SPR: variants seen among roughly 807,000 people sequenced by gnomAD.
SPR encodes sepiapterin reductase.
Under a neutral mutation model 16.0 loss-of-function variants are expected in SPR, and 12 were observed. The ratio of observed to expected loss-of-function variants is 0.75; its 90% confidence interval spans 0.48 to 1.22. The LOEUF is 1.22. SPR is among the 50% of genes most tolerant of loss of function. SPR has a pLI of 0.00. For synonymous variants in SPR, 177 were observed against 168.5 expected (o/e 1.05, Z -0.39); for missense variants, 324 against 344.4 (o/e 0.94, Z 0.47).
In SPR at chr2:72,887,741, G is replaced by T; in HGVS notation, c.304+5G>T. ...TGCTGCTTATCAACAACGCGGGTAAGACCCCGGGGCTGGAGCGGACTCCCC... is the reference window on the plus strand; with the variant it reads ...TGCTGCTTATCAACAACGCGGGTAATACCCCGGGGCTGGAGCGGACTCCCC... On this transcript the variant is annotated splice_donor_5th_base_variant and intron_variant, in intron 1 of 2. Coordinates refer to ENST00000234454, the MANE Select transcript of SPR (RefSeq NM_003124.5). The T allele has an allele frequency of 6.6e-7, 1 of 1,510,764 alleles. No individual in the cohort carries two copies. The highest frequency in any genetic ancestry group is 1.2e-5 in the South Asian group (1 of 82,042). The allele number at this position is 1,510,764 out of a possible 1,614,324, so 93.6% of individuals were successfully genotyped here.
intron 2 of SPR, 83 bp downstream of exon 2, chr2:72,888,687 C>T (rs1670579207): frequency 2.1e-6 from 3 of 1,423,514 alleles, no homozygotes; most frequent in South Asian, 1.5e-5. Context: ...TAGTCCGCCC[C>T]CTCCAGGAAA....
chr2:72,888,254 G>T (rs1445528453), intron 1 of SPR, 60 bp from the exon 2 acceptor site: 4 of 1,556,746 alleles, frequency 2.6e-6, no homozygotes, highest in Non-Finnish European at 3.5e-6. Context: ...GAACTTGGGA[G>T]GGCTGGGGAA....
chr2:72,890,490 C>T (rs1044683424), intron 2 of SPR, among the ~76,000 whole-genome samples: 8 of 151,902 alleles, frequency 5.3e-5, no homozygotes, highest in South Asian at 4.2e-4. Context: ...TACAAGCGCC[C>T]GCCACCACAC....
rs780706811 is a variant in SPR at position 72,887,589 on chromosome 2, G to C, written c.157G>C (p.Glu53Gln). Residue 53 changes from glutamate to glutamine, a missense_variant, in exon 1 of 3, where the codon GAG becomes CAG. Transcript: ENST00000234454. ...NDEALRQLEA[E>Q]LGAERSGLRV... ...CGAGGCACTGCGCCAGCTGGAGGCC[G>C]AGCTGGGCGCCGAGCGGTCTGGCCT... 2.8e-6 allele frequency: 4 copies of C among 1,406,926 alleles called. No individual in the cohort carries two copies. Among genetic ancestry groups the C allele is most frequent in the Non-Finnish European group, 3.7e-6 (4 of 1,090,538 alleles). 87.2% of individuals were successfully genotyped at this position (1,406,926 alleles called of 1,614,324 possible). A position where few individuals can be genotyped will look rare whatever the true frequency, so the allele number is the denominator to read the frequency against.
rs1393702548 is a variant in SPR at position 72,888,479 on chromosome 2, C to G, written c.470C>G (p.Ser157Cys). 1.2e-6 allele frequency: 2 copies of G among 1,613,910 alleles called. No individual in the cohort carries two copies. Among genetic ancestry groups the G allele is most frequent in the Non-Finnish European group, 1.7e-6 (2 of 1,179,920 alleles). Reference sequence around the variant, plus strand: ...AACAGAACCGTGGTTAACATCTCGTCCCTCTGTGCCCTGCAACCTTTCAAA... The same window carrying G: ...AACAGAACCGTGGTTAACATCTCGTGCCTCTGTGCCCTGCAACCTTTCAAA... ...GLNRTVVNIS[S>C]LCALQPFKGW... Residue 157 changes from serine (S) to cysteine (C), a missense_variant, in exon 2 of 3, where the codon TCC becomes TGC. By Grantham distance (112) the Ser-to-Cys change is moderately radical. Transcript: ENST00000234454.
At position 72,888,419 on chromosome 2, in the gene SPR, G is replaced by C. The variant is rs1313068034; in HGVS notation, c.410G>C (p.Ser137Thr). 1.2e-6 allele frequency: 2 copies of C among 1,613,982 alleles called. No homozygotes were observed. Among genetic ancestry groups the C allele is most frequent in the Non-Finnish European group, 8.5e-7 (1 of 1,179,982 alleles). ...ACCTCCATGCTCTGCCTGACTTCCA[G>C]CGTCCTGAAGGCCTTCCCGGACAGT... ...NLTSMLCLTS[S>T]VLKAFPDSPG... The change falls in exon 2 of 3, where the codon AGC becomes ACC. Residue 137 changes from serine to threonine, a missense_variant. By Grantham distance (58) the Ser-to-Thr change is moderately conservative. Transcript: ENST00000234454.
chr2:72,887,907 C>T (rs1670566092), intron 1 of SPR, among the ~76,000 whole-genome samples, 171 bp downstream of exon 1: 1 of 152,202 alleles, frequency 6.6e-6, no homozygotes, highest in South Asian at 2.1e-4. Context: ...GACTCGGTGC[C>T]GTCGGGACAA....
chr2:72,888,641 C>A, intron 2 of SPR, 37 bp downstream of exon 2: 2 of 1,559,110 alleles, frequency 1.3e-6, no homozygotes, highest in Non-Finnish European at 1.7e-6. Flanking sequence ...TCCTCCAGAA[C>A]CCACTGGTGC....
In SPR at chr2:72,887,481, C is replaced by A; in HGVS notation, c.49C>A (p.Arg17Ser). The change falls in exon 1 of 3, where the codon CGC becomes AGC. Residue 17 changes from arginine to serine, a missense_variant. Physicochemically the swap from Arg to Ser is moderately radical, Grantham distance 110. Transcript: ENST00000234454. The part of the protein sequence containing the change: ...RAVCLLTGAS[R>S]GFGRTLAPLL... ...TGTGTGCTTGCTGACCGGGGCCTCCCGCGGCTTCGGCCGGACGCTGGCCCC... is the reference window on the plus strand; with the variant it reads ...TGTGTGCTTGCTGACCGGGGCCTCCAGCGGCTTCGGCCGGACGCTGGCCCC... 1 of 1,504,358 alleles carries A rather than the reference C, an allele frequency of 6.6e-7. No homozygotes were observed. The highest frequency in any genetic ancestry group is 2.8e-5 in the East Asian group (1 of 35,176). 93.2% of individuals were successfully genotyped at this position (1,504,358 alleles called of 1,614,324 possible). A position where few individuals can be genotyped will look rare whatever the true frequency, so the allele number is the denominator to read the frequency against.
chr2:72,887,865 T>G, intron 1 of SPR, 129 bp downstream of exon 1: 2 of 1,055,470 alleles, frequency 1.9e-6, no homozygotes, highest in Non-Finnish European at 2.6e-6. Flanking sequence ...TGTTCCAGCT[T>G]GAGTAGCAAG....
chr2:72,891,364 A>T lies in SPR; in HGVS notation c.613A>T (p.Met205Leu). Reference sequence around the variant, plus strand: ...TCCTCTAGGTCCTCTGGACACAGACATGCAGCAGTTGGCCCGGGAGACCTC... The same window carrying T: ...TCCTCTAGGTCCTCTGGACACAGACTTGCAGCAGTTGGCCCGGGAGACCTC... ...NYAPGPLDTD[M>L]QQLARETSVD... Residue 205 changes from methionine to leucine, a missense_variant, in exon 3 of 3, where the codon ATG (methionine) becomes TTG (leucine). By Grantham distance (15) the Met-to-Leu change is conservative. Coordinates refer to ENST00000234454, the MANE Select transcript of SPR (RefSeq NM_003124.5). 1 of 1,614,150 alleles carries T rather than the reference A, an allele frequency of 6.2e-7. No homozygotes were observed. The highest frequency in any genetic ancestry group is 8.5e-7 in the Non-Finnish European group (1 of 1,180,026).
chr2:72,887,428 G>A lies in SPR; in HGVS notation c.-5G>A. The A allele has an allele frequency of 6.7e-7, 1 of 1,488,864 alleles. No individual in the cohort carries two copies. The highest frequency in any genetic ancestry group is 8.9e-7 in the Non-Finnish European group (1 of 1,124,774). The allele number at this position is 1,488,864 out of a possible 1,614,324, so 92.2% of individuals were successfully genotyped here. ...GTGCCAGCGCCGCCGGCGGAGAACAGGAGCATGGAGGGCGGGCTGGGGCGT... is the reference window on the plus strand; with the variant it reads ...GTGCCAGCGCCGCCGGCGGAGAACAAGAGCATGGAGGGCGGGCTGGGGCGT... On this transcript the variant is annotated 5_prime_UTR_variant, in exon 1 of 3. Coordinates refer to ENST00000234454, the MANE Select transcript of SPR (RefSeq NM_003124.5).
chr2:72,888,364 C>G lies in SPR; in HGVS notation c.355C>G (p.Gln119Glu). The G allele has an allele frequency of 6.2e-7, 1 of 1,614,186 alleles. No individual in the cohort carries two copies. Among genetic ancestry groups the G allele is most frequent in the Non-Finnish European group, 8.5e-7 (1 of 1,180,020 alleles). ...KGFVDLSDST[Q>E]VNNYWALNLT... ...CTTCGTGGACCTGAGTGACTCCACTCAAGTGAACAACTACTGGGCACTGAA... is the reference window on the plus strand; with the variant it reads ...CTTCGTGGACCTGAGTGACTCCACTGAAGTGAACAACTACTGGGCACTGAA... Residue 119 changes from glutamine to glutamate, a missense_variant, in exon 2 of 3, where the codon CAA (glutamine) becomes GAA (glutamate). By Grantham distance (29) the Gln-to-Glu change is conservative. Transcript: ENST00000234454.
chr2:72,887,616 C>T lies in SPR; in HGVS notation c.184C>T (p.Arg62Cys), dbSNP rs752216723. 1 of 1,426,572 alleles carries T rather than the reference C, an allele frequency of 7.0e-7. No individual in the cohort carries two copies. Among genetic ancestry groups the T allele is most frequent in the Non-Finnish European group, 9.1e-7 (1 of 1,100,404 alleles). 88.4% of individuals were successfully genotyped at this position (1,426,572 alleles called of 1,614,324 possible). Residue 62 changes from arginine to cysteine, a missense_variant, in exon 1 of 3, where the codon CGC (arginine) becomes TGC (cysteine). Arg to Cys is a radical substitution (Grantham distance 180). Coordinates refer to ENST00000234454, the MANE Select transcript of SPR (RefSeq NM_003124.5). ...GCTGGGCGCCGAGCGGTCTGGCCTGCGCGTGGTGCGGGTGCCCGCCGACCT... is the reference window on the plus strand; with the variant it reads ...GCTGGGCGCCGAGCGGTCTGGCCTGTGCGTGGTGCGGGTGCCCGCCGACCT... ...AELGAERSGL[R>C]VVRVPADLGA...
At chr2:72,890,942 C>T (rs549612464) in intron 2 of SPR, among the ~76,000 whole-genome samples, 155 of 152,124 alleles carry the variant, frequency 1.0e-3, no homozygotes, top group Middle Eastern at 6.8e-3. Flanking sequence ...GCCTGATTGT[C>T]GGGATGTGTA....
chr2:72,887,689 TC>T lies in SPR; in HGVS notation c.262del (p.Arg88GlyfsTer27), dbSNP rs1247454080. On this transcript the variant is annotated frameshift_variant, in exon 1 of 3. Transcript: ENST00000234454. LOFTEE classifies it high-confidence loss of function. ...CAGCTGCTCGGCGCCCTGCGCGAGC[TC>T]CCCCGGCCCAAGGGGCTGCAGCGAC... Reference protein sequence around the residue: ...LQQLLGALRELPRPKGLQRLL... With the variant: ...LQQLLGALREXPRPKGLQRLL... The T allele has an allele frequency of 2.0e-6, 3 of 1,499,598 alleles. No individual in the cohort carries two copies. Among genetic ancestry groups the T allele is most frequent in the Admixed American group, 2.1e-5 (1 of 46,728 alleles). 92.9% of individuals were successfully genotyped at this position (1,499,598 alleles called of 1,614,324 possible). A position where few individuals can be genotyped will look rare whatever the true frequency, so the allele number is the denominator to read the frequency against.
chr2:72,887,585 G>A lies in SPR; in HGVS notation c.153G>A (p.Glu51=), dbSNP rs1670559451. ...ARNDEALRQL[E]AELGAERSGL... is the part of the protein sequence containing the mutation. ...ACGACGAGGCACTGCGCCAGCTGGA[G>A]GCCGAGCTGGGCGCCGAGCGGTCTG... Residue 51 remains glutamate (E), a synonymous_variant, in exon 1 of 3, where the codon GAG becomes GAA. Coordinates refer to ENST00000234454, the MANE Select transcript of SPR (RefSeq NM_003124.5). The A allele has an allele frequency of 7.1e-7, 1 of 1,407,806 alleles. No homozygotes were observed. The highest frequency in any genetic ancestry group is 9.2e-7 in the Non-Finnish European group (1 of 1,090,896). 87.2% of individuals were successfully genotyped at this position (1,407,806 alleles called of 1,614,324 possible). A position where few individuals can be genotyped will look rare whatever the true frequency, so the allele number is the denominator to read the frequency against.
chr2:72,887,854 T>C lies in SPR; in HGVS notation c.304+118T>C, dbSNP rs930316681. 5.3e-6 allele frequency: 6 copies of C among 1,128,710 alleles called. No homozygotes were observed. The East Asian group carries it at 1.1e-4, about 21-fold the overall frequency. 69.9% of individuals were successfully genotyped at this position (1,128,710 alleles called of 1,614,324 possible). ...GACGCCTAGAAATCTAAAGCCCTAG[T>C]TGTTCCAGCTTGAGTAGCAAGTGGA... On this transcript the variant is annotated intron_variant, in intron 1 of 2. Transcript: ENST00000234454.
intron 2 of SPR, among the ~76,000 whole-genome samples, chr2:72,890,437 G>C (rs924136221): frequency 3.3e-5 from 5 of 152,212 alleles, no homozygotes; most frequent in Non-Finnish European, 5.9e-5. Context: ...CACCTCCCAG[G>C]TTCACGCCAT....
Sources: gnomAD v4.1 joint callset for allele counts (sites outside exome capture counted in the v4.1 genomes callset) on GRCh38, gnomAD v4.1.1 for gene constraint, MANE v1.5 for transcripts, NCBI Gene and HGNC (gene_info 2026-07-23, HGNC 2026-07-21) for gene names.